Variants in TDRD9 observed in about 807,000 individuals in gnomAD.
TDRD9 encodes the protein ATP-dependent RNA helicase TDRD9.
In TDRD9, 124 loss-of-function variants were observed where a neutral mutation model predicts 172.6. The ratio of observed to expected loss-of-function variants is 0.72; its 90% CI spans 0.62 to 0.83. The LOEUF is 0.83. Among genes scored for constraint, TDRD9 ranks in the 40% least tolerant of loss-of-function variants. The pLI, the probability that TDRD9 is intolerant of heterozygous loss-of-function variation, is 0.00. For synonymous variants in TDRD9, 619 were observed against 617.1 expected (o/e 1.00, Z -0.05); for missense variants, 1,479 against 1,714.1 (o/e 0.86, Z 2.42).
At chr14:103,988,309 G>T (rs1284878679) in intron 8 of TDRD9, among the ~76,000 whole-genome samples, 1 of 152,102 alleles carries the variant, frequency 6.6e-6, no homozygotes, top group East Asian at 1.9e-4. Flanking sequence ...GAATAGCTGG[G>T]ACTACAGGCA....
At chr14:103,938,382 ATG>A (rs71126086) in intron 1 of TDRD9, among the ~76,000 whole-genome samples, 722 of 38,564 alleles carry the variant, frequency 0.019, 28 homozygotes, top group African/African-American at 0.055. Context: ...TGCCCCATAT[ATG>A]TGTGTGTGTG....
At chr14:104,032,195 CT>C (rs2035303459) in intron 30 of TDRD9, 108 bp downstream of exon 30, 1 of 246,000 alleles carries the variant, frequency 4.1e-6, no homozygotes, top group African/African-American at 5.5e-5. Flanking sequence ...AATGTGTTAT[CT>C]TTTCTTTTCT....
intron 32 of TDRD9, among the ~76,000 whole-genome samples, chr14:104,039,175 C>G (rs879902613): frequency 6.6e-6 from 1 of 152,150 alleles, no homozygotes; most frequent in Non-Finnish European, 1.5e-5. Flanking sequence ...AAGAAAAGCC[C>G]CTTACGAAAC....
intron 32 of TDRD9, among the ~76,000 whole-genome samples, chr14:104,035,438 C>G (rs1055151696): frequency 6.6e-6 from 1 of 152,182 alleles, no homozygotes. Flanking sequence ...CGTCAGTCCC[C>G]CTTCTTGTGG....
chr14:103,992,223 G>A (rs2033895524), intron 9 of TDRD9, among the ~76,000 whole-genome samples: 1 of 152,168 alleles, frequency 6.6e-6, no homozygotes, highest in Admixed American at 6.5e-5. Context: ...TTTAATTCAA[G>A]TGGTATAGCT....
intron 34 of TDRD9, among the ~76,000 whole-genome samples, chr14:104,048,632 G>A (rs2035850588): frequency 6.6e-6 from 1 of 152,020 alleles, no homozygotes; most frequent in African/African-American, 2.4e-5. Flanking sequence ...TTTTCTCAGG[G>A]CTTCCCAGGT....
rs1199398998 is a variant in TDRD9 at position 104,025,537 on chromosome 14, A to C, written c.2719-27A>C. On this transcript the variant is annotated intron_variant, in intron 25 of 35. Coordinates refer to ENST00000409874, the MANE Select transcript of TDRD9 (RefSeq NM_153046.3). ...CTTACAAAAGTCCTTTCTAGATTTC[A>C]TCTCTTCTCCTCCTCTTCCTTTTTA... 2.5e-6 allele frequency: 4 copies of C among 1,599,356 alleles called. No homozygotes were observed. In the African/African-American group the frequency reaches 5.4e-5, roughly 21 times the overall value.
intron 4 of TDRD9, among the ~76,000 whole-genome samples, chr14:103,966,391 G>C (rs2152145245): frequency 6.6e-6 from 1 of 152,282 alleles, no homozygotes; most frequent in Middle Eastern, 3.4e-3. Context: ...GAATAGGAAA[G>C]CAGTAAGAAT....
At chr14:104,028,156 G>A (rs1386425523) in intron 28 of TDRD9, among the ~76,000 whole-genome samples, 1 of 152,100 alleles carries the variant, frequency 6.6e-6, no homozygotes, top group African/African-American at 2.4e-5. Context: ...CAGTAATCAC[G>A]GGGTACAGGT....
At chr14:103,944,852 A>T (rs972759441) in intron 1 of TDRD9, among the ~76,000 whole-genome samples, 3 of 152,138 alleles carry the variant, frequency 2.0e-5, no homozygotes, top group African/African-American at 7.2e-5. Flanking sequence ...GGCGTGAGCC[A>T]CCGTGCCCGG....
At position 104,008,470 on chromosome 14, in the gene TDRD9, A is replaced by T. The variant is rs781522967; in HGVS notation, c.2106+4A>T. The T allele has an allele frequency of 6.4e-7, 1 of 1,558,120 alleles. No individual in the cohort carries two copies. Among genetic ancestry groups the T allele is most frequent in the African/African-American group, 1.4e-5 (1 of 73,840 alleles). ...TCAAATCAAGAGAATTAGAGAGGTA[A>T]GTTAAGTTTTTTGACCAAATGGATG... is the stretch of plus-strand genomic sequence containing the variant. On this transcript the variant is annotated splice_donor_region_variant and intron_variant, in intron 20 of 35. Coordinates refer to ENST00000409874, the MANE Select transcript of TDRD9 (RefSeq NM_153046.3).
At chr14:104,016,116 C>A in intron 22 of TDRD9, 28 bp downstream of exon 22, 1 of 1,500,566 alleles carries the variant, frequency 6.7e-7, no homozygotes, top group East Asian at 2.4e-5. Context: ...GCCGTCCTCT[C>A]TGGGGTGTGG....
intron 1 of TDRD9, among the ~76,000 whole-genome samples, chr14:103,937,804 C>T (rs1182939812): frequency 6.6e-6 from 1 of 151,686 alleles, no homozygotes; most frequent in Admixed American, 6.6e-5. Context: ...TCTGTTTGTT[C>T]CTTTAGAACA....
At chr14:103,966,596 T>C in intron 4 of TDRD9, 113 bp from the exon 5 acceptor site, 1 of 1,047,000 alleles carries the variant, frequency 9.6e-7, no homozygotes, top group Non-Finnish European at 1.3e-6. Context: ...AGCCTGTGTA[T>C]CTTTCGAAAT....
intron 35 of TDRD9, chr14:104,049,945 G>T: frequency 2.4e-6 from 1 of 418,124 alleles, no homozygotes; most frequent in African/African-American, 2.0e-5. Flanking sequence ...AAGGTATGAG[G>T]GTCTGGATTG....
chr14:103,984,826 G>A (rs901329205), intron 7 of TDRD9, among the ~76,000 whole-genome samples: 45 of 152,162 alleles, frequency 3.0e-4, no homozygotes, highest in African/African-American at 9.9e-4. Context: ...TTCAATGCCA[G>A]CCCATGAAAG....
Position 104,034,070 on chromosome 14 carries a change from G to C in TDRD9, c.3619+1G>C. On this transcript the variant is annotated splice_donor_variant, in intron 31 of 35. Coordinates refer to ENST00000409874, the MANE Select transcript of TDRD9 (RefSeq NM_153046.3). LOFTEE classifies it high-confidence loss of function. ...GCTTCCCTTTCCATCAATGCGACTG[G>C]TAATTTAAAGATCCTGTTTATTCCT... 1 of 1,538,292 alleles carries C rather than the reference G, an allele frequency of 6.5e-7. No individual in the cohort carries two copies. Among genetic ancestry groups the C allele is most frequent in the Non-Finnish European group, 8.8e-7 (1 of 1,135,158 alleles).
intron 14 of TDRD9, 99 bp from the exon 15 acceptor site, chr14:104,005,175 C>T: frequency 2.4e-6 from 3 of 1,256,730 alleles, no homozygotes; most frequent in East Asian, 2.4e-5. Context: ...CTCTCCTCTC[C>T]TTCTCTCCTC....
At chr14:104,017,031 C>A (rs2034813309) in intron 22 of TDRD9, among the ~76,000 whole-genome samples, 2 of 152,068 alleles carry the variant, frequency 1.3e-5, no homozygotes. Flanking sequence ...AAAAGGAAGT[C>A]ATTAGTTTTT....
Sources: gnomAD v4.1 joint callset for allele counts (sites outside exome capture counted in the v4.1 genomes callset) on GRCh38, gnomAD v4.1.1 for gene constraint, MANE v1.5 for transcripts, NCBI Gene and HGNC (gene_info 2026-07-23, HGNC 2026-07-21) for gene names.